The following DNAJC10 variants were observed in gnomAD, a reference collection of about 807,000 sequenced individuals.
The protein encoded by DNAJC10 is endoplasmic reticulum disulfide reductase DNAJC10.
In DNAJC10, 101 loss-of-function variants were observed where a neutral mutation model predicts 115.0. The ratio of observed to expected loss-of-function variants is 0.88; its 90% confidence interval spans 0.75 to 1.04. DNAJC10 has a LOEUF of 1.04. Among genes scored for constraint, DNAJC10 ranks in the 50% least tolerant of loss-of-function variants. The pLI is 0.00. For missense variants in DNAJC10, 981 were observed against 928.8 expected, an observed-to-expected ratio of 1.06 and a Z score of -0.73; for synonymous variants, 307 against 301.5, an observed-to-expected ratio of 1.02 and a Z score of -0.19.
At chr2:182,771,053 A>G (rs1574958201) in intron 22 of DNAJC10, among the ~76,000 whole-genome samples, 1 of 152,240 alleles carries the variant, frequency 6.6e-6, no homozygotes, top group Non-Finnish European at 1.5e-5. Context: ...TTCTGCATCT[A>G]TTGAGATAAT....
At chr2:182,769,812 T>C (rs573446952) in intron 22 of DNAJC10, among the ~76,000 whole-genome samples, 117 of 152,312 alleles carry the variant, frequency 7.7e-4, no homozygotes, top group African/African-American at 2.7e-3. Flanking sequence ...GTGCAGAAGC[T>C]CTTTAGTTTA....
intron 22 of DNAJC10, among the ~76,000 whole-genome samples, chr2:182,774,824 C>A (rs879931779): frequency 6.6e-6 from 1 of 152,208 alleles, no homozygotes; most frequent in African/African-American, 2.4e-5. Context: ...AACACCCCCC[C>A]CAATCCCCGC....
In DNAJC10 at chr2:182,757,675, T is replaced by A; in HGVS notation, c.1810-17T>A. 7.4e-6 allele frequency: 11 copies of A among 1,492,606 alleles called. No homozygotes were observed. Among genetic ancestry groups the A allele is most frequent in the Non-Finnish European group, 9.8e-6 (11 of 1,120,738 alleles). The allele number at this position is 1,492,606 out of a possible 1,614,324, so 92.5% of individuals were successfully genotyped here. A position where few individuals can be genotyped will look rare whatever the true frequency, so the allele number is the denominator to read the frequency against. ...TATGTAAAAAGTTATGGAGGTAATC[T>A]GTTTTTTCTTTTACAGACATTAACT... On this transcript the variant is annotated splice_polypyrimidine_tract_variant and intron_variant, in intron 18 of 23. Transcript: ENST00000264065.
intron 14 of DNAJC10, among the ~76,000 whole-genome samples, chr2:182,747,405 C>A (rs1458001064): frequency 6.7e-5 from 10 of 150,224 alleles, no homozygotes; most frequent in Non-Finnish European, 8.9e-5. Context: ...CTTTTATTTC[C>A]TTGAGCAGTG....
intron 23 of DNAJC10, among the ~76,000 whole-genome samples, chr2:182,776,359 T>A (rs1177384148): frequency 6.6e-6 from 1 of 152,226 alleles, no homozygotes; most frequent in Non-Finnish European, 1.5e-5. Context: ...ACCTTTTTCC[T>A]GTTACTCTTC....
At chr2:182,719,250 CTTTTTTTTTT>C (rs57284693) in intron 3 of DNAJC10, among the ~76,000 whole-genome samples, 14 of 83,686 alleles carry the variant, frequency 1.7e-4, no homozygotes, top group African/African-American at 3.3e-4. Context: ...GGATTGTTTT[CTTTTTTTTTT>C]TTTTTTTTTT....
chr2:182,747,114 T>C (rs1304438099), intron 14 of DNAJC10, among the ~76,000 whole-genome samples: 1 of 152,092 alleles, frequency 6.6e-6, no homozygotes, highest in Admixed American at 6.6e-5. Flanking sequence ...ACCAGTACCA[T>C]GCTGTTTTGG....
At chr2:182,761,299 T>C (rs574808211) in intron 21 of DNAJC10, among the ~76,000 whole-genome samples, 2 of 152,088 alleles carry the variant, frequency 1.3e-5, no homozygotes, top group Non-Finnish European at 2.9e-5. Flanking sequence ...TCATAAGTAA[T>C]TGGAAATACA....
Position 182,752,140 on chromosome 2 carries a change from T to G in DNAJC10, c.1503T>G (p.Leu501=). 1 of 1,613,716 alleles carries G rather than the reference T, an allele frequency of 6.2e-7. No homozygotes were observed. Residue 501 remains leucine (L), a synonymous_variant, in exon 16 of 24, where the codon CTT becomes CTG. Transcript: ENST00000264065. ...CATCAAATCTTCTTTATGGTCAGCTTAAGTTTGGTACACTAGATTGTACAG... is the reference window on the plus strand; with the variant it reads ...CATCAAATCTTCTTTATGGTCAGCTGAAGTTTGGTACACTAGATTGTACAG... The part of the protein sequence containing the change: ...RRASNLLYGQ[L]KFGTLDCTVH...
In DNAJC10 at chr2:182,785,528, G is replaced by GT. The variant is rs1387323915; in HGVS notation, c.*8397dup. On this transcript the variant is annotated 3_prime_UTR_variant, in exon 24 of 24. Transcript: ENST00000264065. The stretch of plus-strand genomic sequence containing the variant: ...TTTGTTAAGTGGAAAAAATATTTCA[G>GT]TAGGTAGTCATATAAATAAGATGAG... 3 of 152,032 alleles carry GT rather than the reference G, an allele frequency of 2.0e-5. No homozygotes were observed. Among genetic ancestry groups the GT allele is most frequent in the Non-Finnish European group, 2.9e-5 (2 of 67,998 alleles). 9.4% of individuals were successfully genotyped at this position (152,032 alleles called of 1,614,324 possible).
At position 182,779,994 on chromosome 2, in the gene DNAJC10, TTAAGAAA is replaced by T. The variant is rs1163735185; in HGVS notation, c.*2866_*2872del. On this transcript the variant is annotated 3_prime_UTR_variant, in exon 24 of 24. Coordinates refer to ENST00000264065, the MANE Select transcript of DNAJC10 (RefSeq NM_018981.4). The stretch of plus-strand genomic sequence containing the variant: ...AGGCACATTTATTCCATTGTGACTG[TTAAGAAA>T]TAATAAAAGATTAAATTAACAAAAT... 1.3e-5 allele frequency: 2 copies of T among 152,182 alleles called. No homozygotes were observed. Among genetic ancestry groups the T allele is most frequent in the Non-Finnish European group, 2.9e-5 (2 of 68,026 alleles). 9.4% of individuals were successfully genotyped at this position (152,182 alleles called of 1,614,324 possible). A position where few individuals can be genotyped will look rare whatever the true frequency, so the allele number is the denominator to read the frequency against.
intron 22 of DNAJC10, among the ~76,000 whole-genome samples, chr2:182,770,507 G>A (rs1432023635): frequency 6.6e-6 from 1 of 152,044 alleles, no homozygotes; most frequent in African/African-American, 2.4e-5. Flanking sequence ...GTGGTTTGTA[G>A]TTCTCCTTGA....
At chr2:182,746,194 CA>C (rs1476366847) in intron 14 of DNAJC10, among the ~76,000 whole-genome samples, 5 of 152,144 alleles carry the variant, frequency 3.3e-5, no homozygotes, top group African/African-American at 9.7e-5. Flanking sequence ...CCGCAATAAA[CA>C]TACGTGTGCA....
At position 182,759,157 on chromosome 2, in the gene DNAJC10, C is replaced by A; in HGVS notation, c.1998-3C>A. The A allele has an allele frequency of 6.4e-7, 1 of 1,568,052 alleles. No homozygotes were observed. Among genetic ancestry groups the A allele is most frequent in the Non-Finnish European group, 8.6e-7 (1 of 1,162,748 alleles). On this transcript the variant is annotated splice_region_variant and splice_polypyrimidine_tract_variant and intron_variant, in intron 20 of 23. Transcript: ENST00000264065. Reference sequence around the variant, plus strand: ...GAAAAATGATTTTGATCATTTGCCACAGATTTTTACCTCAAGTATCCACAG... The same window carrying A: ...GAAAAATGATTTTGATCATTTGCCAAAGATTTTTACCTCAAGTATCCACAG...
rs1276523411 is a variant in DNAJC10 at position 182,740,151 on chromosome 2, A to G, written c.988-148A>G. 4.3e-6 allele frequency: 5 copies of G among 1,166,500 alleles called. No homozygotes were observed. The East Asian group carries it at 1.5e-4, about 34-fold the overall frequency. The allele number at this position is 1,166,500 out of a possible 1,614,324, so 72.3% of individuals were successfully genotyped here. On this transcript the variant is annotated intron_variant, in intron 11 of 23. Transcript: ENST00000264065. ...TAATTGCCAAAATACACTTTTTTTG[A>G]AAAAAGACATTTGGAATTGTTTGAA...
At position 182,778,864 on chromosome 2, in the gene DNAJC10, A is replaced by G. The variant is rs1045853772; in HGVS notation, c.*1732A>G. The G allele has an allele frequency of 2.6e-5, 4 of 152,226 alleles. No homozygotes were observed. Among genetic ancestry groups the G allele is most frequent in the Admixed American group, 2.6e-4 (4 of 15,278 alleles). The allele number at this position is 152,226 out of a possible 1,614,324, so 9.4% of individuals were successfully genotyped here. On this transcript the variant is annotated 3_prime_UTR_variant, in exon 24 of 24. Coordinates refer to ENST00000264065, the MANE Select transcript of DNAJC10 (RefSeq NM_018981.4). Reference sequence around the variant, plus strand: ...AAGAATCCCAAAATGGAATGCCTAAAGAAGTCTTACTTGGGTAAATACTTA... The same window carrying G: ...AAGAATCCCAAAATGGAATGCCTAAGGAAGTCTTACTTGGGTAAATACTTA...
intron 5 of DNAJC10, among the ~76,000 whole-genome samples, chr2:182,725,504 C>T (rs1161679483): frequency 6.6e-6 from 1 of 152,146 alleles, no homozygotes. Flanking sequence ...CTAATGATAA[C>T]ACAAAACAGC....
rs1031942855 is a variant in DNAJC10, at chr2:182,739,892, T to C, written c.988-407T>C. 8.1e-6 allele frequency: 8 copies of C among 986,400 alleles called. No individual in the cohort carries two copies. In the African/African-American group the frequency reaches 1.2e-4, roughly 15 times the overall value. 61.1% of individuals were successfully genotyped at this position (986,400 alleles called of 1,614,324 possible). A position where few individuals can be genotyped will look rare whatever the true frequency, so the allele number is the denominator to read the frequency against. On this transcript the variant is annotated intron_variant, in intron 11 of 23. Coordinates refer to ENST00000264065, the MANE Select transcript of DNAJC10 (RefSeq NM_018981.4). ...ATTCTTCCTTCTAGTGTTATAAAAA[T>C]TCTTAAGTGAATGTGTAAAACATTG...
chr2:182,776,693 T>A (rs952344631), intron 23 of DNAJC10, among the ~76,000 whole-genome samples: 210 of 152,222 alleles, frequency 1.4e-3, no homozygotes, highest in African/African-American at 4.7e-3. Context: ...TAGGAAAGAG[T>A]TATGAGTCTG....
Sources: gnomAD v4.1 joint callset for allele counts (sites outside exome capture counted in the v4.1 genomes callset) on GRCh38, gnomAD v4.1.1 for gene constraint, MANE v1.5 for transcripts, NCBI Gene and HGNC (gene_info 2026-07-23, HGNC 2026-07-21) for gene names.